Variants in LMF2 observed in about 807,000 individuals in gnomAD.
The protein encoded by LMF2 is transmembrane protein 112B.
LMF2 carries 113 observed loss-of-function variants against 81.5 expected under a neutral mutation model. That is an observed-to-expected ratio of 1.39 (90% confidence interval 1.19 to 1.62). The LOEUF (loss-of-function observed/expected upper bound fraction) is 1.62, where lower values mean the gene tolerates loss of function less well. LMF2 is among the 40% of genes most tolerant of loss of function. LMF2 has a pLI of 0.00. For missense variants in LMF2, 1,235 were observed against 929.1 expected, an observed-to-expected ratio of 1.33 and a Z score of -4.28; for synonymous variants, 645 against 424.5, an observed-to-expected ratio of 1.52 and a Z score of -6.39.
At position 50,506,194 on chromosome 22, in the gene LMF2, C is replaced by T. The variant is rs1466043236; in HGVS notation, c.615G>A (p.Glu205=). The T allele has an allele frequency of 6.4e-7, 1 of 1,558,882 alleles. No individual in the cohort carries two copies. Among genetic ancestry groups the T allele is most frequent in the Non-Finnish European group, 8.7e-7 (1 of 1,151,524 alleles). Residue 205 remains glutamate, a synonymous_variant, in exon 5 of 14, where the codon GAG becomes GAA. Transcript: ENST00000474879. ...WGLTALTYHY[E]TQCLPTPAAW... ...CGGCGGGCGTGGGCAGGCACTGGGT[C>T]TCGTAGTGGTAGGTGAGGGCTGCAG... is the stretch of plus-strand genomic sequence containing the variant.
In LMF2 at chr22:50,503,692, CT is replaced by C; in HGVS notation, c.1822del (p.Ser608AlafsTer49). Reference protein sequence around the residue: ...LLRQFGLQEKSPPRTRSANST... With the variant: ...LLRQFGLQEKXPPRTRSANST... ...GTTGGCGCTGCGGGTGCGAGGTGGG[CT>C]TTTCTCCTGTGGGAGGGAGGGAGGG... On this transcript the variant is annotated frameshift_variant, in exon 14 of 14. Transcript: ENST00000474879. LOFTEE classifies it low-confidence loss of function (END_TRUNC). The C allele has an allele frequency of 1.1e-6, 1 of 924,164 alleles. No homozygotes were observed. Among genetic ancestry groups the C allele is most frequent in the Non-Finnish European group, 1.6e-6 (1 of 629,232 alleles). The allele number at this position is 924,164 out of a possible 1,614,324, so 57.2% of individuals were successfully genotyped here. A position where few individuals can be genotyped will look rare whatever the true frequency, so the allele number is the denominator to read the frequency against.
At chr22:50,505,616 G>A (rs114166322) in intron 6 of LMF2, 58 bp downstream of exon 6, 45,810 of 1,611,094 alleles carry the variant, frequency 0.028, 836 homozygotes, top group Middle Eastern at 0.1. Flanking sequence ...GGAGTCCTGT[G>A]GGGGTGTTGG....
chr22:50,507,553 TG>T, intron 1 of LMF2, 28 bp downstream of exon 1: 1 of 1,489,274 alleles, frequency 6.7e-7, no homozygotes, highest in Non-Finnish European at 9.2e-7. Context: ...GCGCCGAGGC[TG>T]GGGGTGTCCC....
At chr22:50,503,974 C>T in intron 12 of LMF2, 70 bp from the exon 13 acceptor site, 5 of 1,370,830 alleles carry the variant, frequency 3.6e-6, no homozygotes, top group Non-Finnish European at 5.1e-6. Context: ...AGTGCCCAGC[C>T]TTACCCCTGC....
chr22:50,507,008 G>A lies in LMF2; in HGVS notation c.122C>T (p.Pro41Leu), dbSNP rs1372936704. 1.3e-6 allele frequency: 2 copies of A among 1,596,172 alleles called. No individual in the cohort carries two copies. The highest frequency in any genetic ancestry group is 1.7e-6 in the Non-Finnish European group (2 of 1,178,456). The change falls in exon 2 of 14, where the codon CCT (proline) becomes CTT (leucine). Residue 41 changes from proline (P) to leucine (L), a missense_variant. Transcript: ENST00000474879. Reference sequence around the variant, plus strand: ...CTGAGGCCGCAGCGTCCTCCTTGCAGGTAGGATGCCCTCGGGGCCATACAG... The same window carrying A: ...CTGAGGCCGCAGCGTCCTCCTTGCAAGTAGGATGCCCTCGGGGCCATACAG... ...PGLYGPEGIL[P>L]ARRTLRPQGK...
Position 50,503,534 on chromosome 22 carries a change from G to C in LMF2, c.1981C>G (p.Leu661Val). The change falls in exon 14 of 14, where the codon CTC (leucine) becomes GTC (valine). Residue 661 changes from leucine (L) to valine (V), a missense_variant. Transcript: ENST00000474879. Reference protein sequence around the residue: ...FVQALLAPCSLRSSPLAPVSG... With the variant: ...FVQALLAPCSVRSSPLAPVSG... ...ACTGGTGCCAGCGGGGAGGACCGGA[G>C]AGAACAGGGTGCTAGCAGGGCTTGC... The C allele has an allele frequency of 6.4e-7, 1 of 1,568,712 alleles. No homozygotes were observed. The highest frequency in any genetic ancestry group is 1.2e-5 in the South Asian group (1 of 85,516).
Position 50,503,924 on chromosome 22 carries a change from TCAGAAG to T in LMF2, c.1719-26_1719-21del. The T allele has an allele frequency of 6.2e-7, 1 of 1,602,122 alleles. No homozygotes were observed. Among genetic ancestry groups the T allele is most frequent in the Admixed American group, 1.7e-5 (1 of 59,860 alleles). On this transcript the variant is annotated intron_variant, in intron 12 of 13. Transcript: ENST00000474879. ...CACTGGCTGCAGCAGGACCCGATGT[TCAGAAG>T]CTGGAGGCACCCCGGGCTCCATACC... is the stretch of plus-strand genomic sequence containing the variant.
In LMF2 at chr22:50,506,446, G is replaced by A. The variant is rs370867118; in HGVS notation, c.434C>T (p.Pro145Leu). ...GGGGGCCTCCTTGCGGTGGGAGGCT[G>A]GCCTCAGCGGGGCCACCAGCACGGC... ...FLAVLVAPLR[P>L]ASHRKEAPQG... The change falls in exon 4 of 14, where the codon CCA becomes CTA. Residue 145 changes from proline to leucine, a missense_variant. Transcript: ENST00000474879. 5.2e-5 allele frequency: 80 copies of A among 1,550,408 alleles called. No homozygotes were observed. The African/African-American group carries it at 9.0e-4, about 17-fold the overall frequency.
Position 50,506,352 on chromosome 22 carries a change from G to C in LMF2, c.528C>G (p.Phe176Leu), listed in dbSNP as rs1381154446. ...CCACGCCTGAGGCGAACATGAGGCGGAACAGCAGCCATCGCACCAGCCAGA... is the reference window on the plus strand; with the variant it reads ...CCACGCCTGAGGCGAACATGAGGCGCAACAGCAGCCATCGCACCAGCCAGA... Reference protein sequence around the residue: ...LPFWLVRWLLFRLMFASGVVK... With the variant: ...LPFWLVRWLLLRLMFASGVVK... Residue 176 changes from phenylalanine to leucine, a missense_variant, in exon 4 of 14, where the codon TTC (phenylalanine) becomes TTG (leucine). By Grantham distance (22) the Phe-to-Leu change is conservative. Coordinates refer to ENST00000474879, the MANE Select transcript of LMF2 (RefSeq NM_033200.3). 6.5e-7 allele frequency: 1 copy of C among 1,549,754 alleles called. No homozygotes were observed.
At chr22:50,506,576 G>A (rs1169482419) in intron 3 of LMF2, 62 bp downstream of exon 3, 19 of 1,594,942 alleles carry the variant, frequency 1.2e-5, no homozygotes, top group Non-Finnish European at 1.4e-5. Flanking sequence ...TCCCAGGAAG[G>A]GCAGAGCCCT....
At position 50,506,591 on chromosome 22, in the gene LMF2, C is replaced by A. The variant is rs547145442; in HGVS notation, c.377+47G>T. ...TCCCAGGAAGGGCAGAGCCCTCCCC[C>A]ACCCCCTACCCAGCCTCCCACAGCC... On this transcript the variant is annotated intron_variant, in intron 3 of 13. Transcript: ENST00000474879. The A allele has an allele frequency of 1.1e-5, 17 of 1,600,460 alleles. No individual in the cohort carries two copies. The East Asian group carries it at 1.3e-4, about 13-fold the overall frequency.
In LMF2 at chr22:50,506,144, A is replaced by G. The variant is rs1440993257; in HGVS notation, c.665T>C (p.Val222Ala). ...PAAWFAHHLPVWLHKLSVVAT... is the reference protein window; with the variant it reads ...PAAWFAHHLPAWLHKLSVVAT... The stretch of plus-strand genomic sequence containing the variant: ...CACCACGCTGAGCTTGTGCAGCCAG[A>G]CCGGCAGGTGGTGTGCGAACCAGGC... Residue 222 changes from valine (V) to alanine (A), a missense_variant, in exon 5 of 14, where the codon GTC becomes GCC. By Grantham distance (64) the Val-to-Ala change is moderately conservative. Transcript: ENST00000474879. 1.3e-6 allele frequency: 2 copies of G among 1,572,554 alleles called. No homozygotes were observed. The highest frequency in any genetic ancestry group is 1.7e-6 in the Non-Finnish European group (2 of 1,158,914).
In LMF2 at chr22:50,503,099, A is replaced by C; in HGVS notation, c.*292T>G. The stretch of plus-strand genomic sequence containing the variant: ...CACGGGGCCTAGGGTTGGGGGCTCT[A>C]GACTCAGACCCCCACAGCCCAGGGC... On this transcript the variant is annotated 3_prime_UTR_variant, in exon 14 of 14. Coordinates refer to ENST00000474879, the MANE Select transcript of LMF2 (RefSeq NM_033200.3). 1 of 399,732 alleles carries C rather than the reference A, an allele frequency of 2.5e-6. No individual in the cohort carries two copies. The highest frequency in any genetic ancestry group is 4.5e-6 in the Non-Finnish European group (1 of 222,956). 24.8% of individuals were successfully genotyped at this position (399,732 alleles called of 1,614,324 possible). A position where few individuals can be genotyped will look rare whatever the true frequency, so the allele number is the denominator to read the frequency against.
chr22:50,503,737 C>T (rs1834018249), intron 13 of LMF2, 38 bp from the exon 14 acceptor site: 3 of 1,588,866 alleles, frequency 1.9e-6, no homozygotes, highest in African/African-American at 1.3e-5. Context: ...TGGGGAAGTG[C>T]TTACTGGGTT....
rs775085844 is a variant in LMF2 at position 50,504,826 on chromosome 22, G to T, written c.1413C>A (p.Gly471=). The T allele has an allele frequency of 1.9e-6, 3 of 1,607,738 alleles. No individual in the cohort carries two copies. Among genetic ancestry groups the T allele is most frequent in the Non-Finnish European group, 2.6e-6 (3 of 1,176,368 alleles). ...CCGTCCAGTGGTGGCCGTCGTAACT[G>T]CCCTCCAGCACCACCTCAGGCCGTC... The part of the protein sequence containing the change: ...LGGRPEVVLE[G]SYDGHHWTEI... Residue 471 remains glycine, a synonymous_variant, in exon 10 of 14, where the codon GGC becomes GGA. Coordinates refer to ENST00000474879, the MANE Select transcript of LMF2 (RefSeq NM_033200.3).
rs149423227 is a variant in LMF2, at chr22:50,507,252, G to A, written c.95-217C>T. 1,214 of 718,790 alleles carry A rather than the reference G, an allele frequency of 1.7e-3. 14 individuals are homozygous for A. The African/African-American group carries it at 0.02, about 12-fold the overall frequency. 44.5% of individuals were successfully genotyped at this position (718,790 alleles called of 1,614,324 possible). A position where few individuals can be genotyped will look rare whatever the true frequency, so the allele number is the denominator to read the frequency against. On this transcript the variant is annotated intron_variant, in intron 1 of 13. Transcript: ENST00000474879. ...GGCCTGCTCAACTACCTGAGTCAGG[G>A]CCTCCCACCCAGCAGAGCCCACTGC...
In LMF2 at chr22:50,504,940, C is replaced by T; in HGVS notation, c.1299G>A (p.Trp433Ter). ...CACCAAACAGGCGGTGGGCCCCGGT[C>T]CAGAGGCGCCCGTGGGTCCCGGGCT... ...YVEPGTHGRL[W>*]TGAHRLFGAV... The change falls in exon 10 of 14, where the codon TGG (tryptophan) becomes TGA (stop). Residue 433 changes from tryptophan (W) to a stop codon, truncating the protein, a stop_gained. Coordinates refer to ENST00000474879, the MANE Select transcript of LMF2 (RefSeq NM_033200.3). LOFTEE classifies it high-confidence loss of function. 6.2e-7 allele frequency: 1 copy of T among 1,607,488 alleles called. No individual in the cohort carries two copies. The highest frequency in any genetic ancestry group is 2.2e-5 in the East Asian group (1 of 44,638).
Position 50,504,698 on chromosome 22 carries a change from G to C in LMF2, c.1467C>G (p.Asn489Lys). The stretch of plus-strand genomic sequence containing the variant: ...CCACAACCGGGGGCGGCCGGCTCAG[G>C]TTCCCAGGCTTGTACATGAACTCGA... ...TEIEFMYKPG[N>K]LSRPPPVVVP... Residue 489 changes from asparagine to lysine, a missense_variant, in exon 11 of 14, where the codon AAC (asparagine) becomes AAG (lysine). Transcript: ENST00000474879. The C allele has an allele frequency of 6.2e-7, 1 of 1,610,116 alleles. No homozygotes were observed. Among genetic ancestry groups the C allele is most frequent in the Non-Finnish European group, 8.5e-7 (1 of 1,179,472 alleles).
In LMF2 at chr22:50,506,072, G is replaced by A; in HGVS notation, c.737C>T (p.Pro246Leu). 1 of 1,592,304 alleles carries A rather than the reference G, an allele frequency of 6.3e-7. No homozygotes were observed. Among genetic ancestry groups the A allele is most frequent in the Non-Finnish European group, 8.5e-7 (1 of 1,169,802 alleles). The change falls in exon 5 of 14, where the codon CCC (proline) becomes CTC (leucine). Residue 246 changes from proline (P) to leucine (L), a missense_variant. By Grantham distance (98) the Pro-to-Leu change is moderately conservative (BLOSUM62 -3). Transcript: ENST00000474879. ...AGCAGCCAAGCGCAGGCGTCGAATG[G>A]GGGCGAAGAACAGGGGCGGCACAGC... ...EIAVPPLFFA[P>L]IRRLRLAAFY...
Sources: gnomAD v4.1 joint callset for allele counts on GRCh38, gnomAD v4.1.1 for gene constraint, MANE v1.5 for transcripts, NCBI Gene and HGNC (gene_info 2026-07-23, HGNC 2026-07-21) for gene names.